RANBP2: variants seen among roughly 807,000 people sequenced by gnomAD.
RANBP2 encodes the protein E3 SUMO-protein ligase RanBP2.
In RANBP2, 57 loss-of-function variants were observed where a neutral mutation model predicts 303.6. That is an observed-to-expected ratio of 0.19 (90% CI 0.15 to 0.23). The LOEUF (loss-of-function observed/expected upper bound fraction) is 0.23. RANBP2 is among the 10% of genes least tolerant of loss of function. The pLI is 1.00. For synonymous variants in RANBP2, 1,167 were observed against 1,301.5 expected (o/e 0.90, Z 2.23); for missense variants, 3,138 against 3,780.8 (o/e 0.83, Z 4.46).
At chr2:109,479,550 C>T in the RANBP2 span, among the ~76,000 whole-genome samples, 22 of 152,170 alleles carry the variant, frequency 1.4e-4, no homozygotes, top group East Asian at 1.5e-3. Flanking sequence ...CAGCTTCCAC[C>T]GGCCTCATGG....
chr2:109,123,837 C>T, the RANBP2 span, among the ~76,000 whole-genome samples: 1 of 152,126 alleles, frequency 6.6e-6, no homozygotes, highest in Non-Finnish European at 1.5e-5. Flanking sequence ...TCTAGAATGC[C>T]AGTGCTTCAA....
At chr2:109,688,605 CT>C in the RANBP2 span, among the ~76,000 whole-genome samples, 1 of 151,714 alleles carries the variant, frequency 6.6e-6, no homozygotes, top group African/African-American at 2.4e-5. Context: ...GTGGTGAAAC[CT>C]TGTCTCTACT....
At chr2:108,864,169 AAAAAC>A in the RANBP2 span, among the ~76,000 whole-genome samples, 1 of 152,208 alleles carries the variant, frequency 6.6e-6, no homozygotes, top group African/African-American at 2.4e-5. Context: ...TTTGTGAAAA[AAAAAC>A]AAAACATTGC....
At chr2:109,473,882 T>A in the RANBP2 span, among the ~76,000 whole-genome samples, 1 of 152,130 alleles carries the variant, frequency 6.6e-6, no homozygotes, top group Non-Finnish European at 1.5e-5. Flanking sequence ...TGAACCGCTC[T>A]CCTTGTGCCC....
chr2:109,422,132 G>C, the RANBP2 span, among the ~76,000 whole-genome samples: 3 of 152,214 alleles, frequency 2.0e-5, no homozygotes, highest in African/African-American at 7.2e-5. Flanking sequence ...AATAGCCTCT[G>C]TAAGTCACGT....
intron 3 of RANBP2, 98 bp from the exon 4 acceptor site, chr2:108,731,224 G>A (rs1695142349): frequency 2.0e-6 from 3 of 1,503,092 alleles, no homozygotes; most frequent in Middle Eastern, 2.4e-4. Context: ...TTTAAGGGTT[G>A]GAGTGATAAT....
the RANBP2 span, among the ~76,000 whole-genome samples, chr2:108,792,185 C>G: frequency 6.6e-6 from 1 of 152,038 alleles, no homozygotes; most frequent in Non-Finnish European, 1.5e-5. Context: ...GGCGGGATTT[C>G]AAGGAATGAG....
At chr2:109,517,074 A>C in the RANBP2 span, among the ~76,000 whole-genome samples, 1 of 152,158 alleles carries the variant, frequency 6.6e-6, no homozygotes, top group African/African-American at 2.4e-5. Flanking sequence ...AACACTGGCC[A>C]GCCCTCACCC....
the RANBP2 span, among the ~76,000 whole-genome samples, chr2:108,946,482 A>C: frequency 1.3e-5 from 2 of 152,228 alleles, no homozygotes; most frequent in Non-Finnish European, 2.9e-5. Flanking sequence ...GGCCAAACAC[A>C]TATTTTACAT....
rs746386795 is a variant in RANBP2, at chr2:108,719,701, G to C, written c.72+23G>C. 3 of 1,581,246 alleles carry C rather than the reference G, an allele frequency of 1.9e-6. No homozygotes were observed. In the African/African-American group the frequency reaches 4.0e-5, roughly 21 times the overall value. ...CAGGTGAGTGGGTCTCGAAGAGACC[G>C]ACGGCCTCGACCTGGCCGGGCGGCG... On this transcript the variant is annotated intron_variant, in intron 1 of 28. Transcript: ENST00000283195.
At chr2:109,065,345 C>A in the RANBP2 span, among the ~76,000 whole-genome samples, 1 of 152,124 alleles carries the variant, frequency 6.6e-6, no homozygotes, top group Non-Finnish European at 1.5e-5. Flanking sequence ...CAGAGTTCCA[C>A]AAAGTTGATT....
the RANBP2 span, among the ~76,000 whole-genome samples, chr2:109,695,321 C>T: frequency 1.3e-5 from 2 of 152,096 alleles, no homozygotes; most frequent in Non-Finnish European, 2.9e-5. Flanking sequence ...TTGTGATTTT[C>T]CTGCTTCTTG....
At chr2:109,732,943 C>T in the RANBP2 span, 18 of 671,380 alleles carry the variant, frequency 2.7e-5, no homozygotes, top group Admixed American at 7.3e-5. Context: ...AACTGTCAAA[C>T]GGTGAAAAAA....
chr2:109,044,618 A>G, the RANBP2 span, among the ~76,000 whole-genome samples: 1 of 151,992 alleles, frequency 6.6e-6, no homozygotes, highest in African/African-American at 2.4e-5. Flanking sequence ...TCATTCTGTT[A>G]AAATTTTACA....
the RANBP2 span, chr2:109,667,170 C>T: frequency 1.5e-6 from 2 of 1,333,728 alleles, no homozygotes. Flanking sequence ...TAATTCACTG[C>T]ACATTCCAAA....
the RANBP2 span, among the ~76,000 whole-genome samples, chr2:109,280,352 G>A: frequency 2.0e-5 from 3 of 152,206 alleles, no homozygotes; most frequent in Admixed American, 1.3e-4. Flanking sequence ...GCCAGTGGCA[G>A]TGGGCTCTGA....
the RANBP2 span, among the ~76,000 whole-genome samples, chr2:109,042,182 C>T: frequency 6.6e-6 from 1 of 152,144 alleles, no homozygotes; most frequent in South Asian, 2.1e-4. Context: ...GAGCATTGCA[C>T]TCAGGAAGTC....
At chr2:109,702,692 C>G in the RANBP2 span, among the ~76,000 whole-genome samples, 1 of 152,134 alleles carries the variant, frequency 6.6e-6, no homozygotes, top group Admixed American at 6.5e-5. Context: ...TCTGCAACAT[C>G]GGAGGGTTTG....
the RANBP2 span, among the ~76,000 whole-genome samples, chr2:109,413,515 T>C: frequency 1.3e-5 from 2 of 152,226 alleles, no homozygotes; most frequent in African/African-American, 4.8e-5. Context: ...TATCTCTGTC[T>C]GTCTACCTCT....
Sources: gnomAD v4.1 joint callset for allele counts (sites outside exome capture counted in the v4.1 genomes callset) on GRCh38, gnomAD v4.1.1 for gene constraint, MANE v1.5 for transcripts, NCBI Gene and HGNC (gene_info 2026-07-23, HGNC 2026-07-21) for gene names.